Variants in PATJ observed in about 807,000 individuals in gnomAD.
PATJ encodes the protein PATJ crumbs cell polarity complex component, also known as inaD-like protein.
PATJ carries 190 observed loss-of-function variants against 224.9 expected under a neutral mutation model. The ratio of observed to expected loss-of-function variants is 0.84; its 90% CI spans 0.75 to 0.95. The LOEUF (loss-of-function observed/expected upper bound fraction) is 0.95, where lower values mean the gene tolerates loss of function less well. Ranked by LOEUF, PATJ falls within the 40% of genes least tolerant of loss-of-function variation. PATJ has a pLI of 0.00. For missense variants in PATJ, 2,121 were observed against 2,270.3 expected, an observed-to-expected ratio of 0.93 and a Z score of 1.34; for synonymous variants, 769 against 820.3, an observed-to-expected ratio of 0.94 and a Z score of 1.07.
At chr1:61,752,157 A>G (rs1214915140) in intron 1 of PATJ, among the ~76,000 whole-genome samples, 2 of 147,038 alleles carry the variant, frequency 1.4e-5, no homozygotes, top group African/African-American at 5.0e-5. Flanking sequence ...AAAAAAAAGA[A>G]GCCTACCATA....
At chr1:61,778,231 G>C (rs1354363065) in intron 7 of PATJ, among the ~76,000 whole-genome samples, 1 of 152,076 alleles carries the variant, frequency 6.6e-6, no homozygotes, top group Non-Finnish European at 1.5e-5. Context: ...TCCCAGGCTG[G>C]TCTCAAACTC....
chr1:61,932,851 A>T (rs774031719), intron 27 of PATJ, among the ~76,000 whole-genome samples: 4 of 152,188 alleles, frequency 2.6e-5, no homozygotes, highest in Non-Finnish European at 5.9e-5. Flanking sequence ...GTGAGCCGAG[A>T]TTGCGCCACT....
At chr1:61,989,002 A>G (rs543305378) in intron 27 of PATJ, among the ~76,000 whole-genome samples, 139 of 152,326 alleles carry the variant, frequency 9.1e-4, no homozygotes, top group African/African-American at 3.0e-3. Flanking sequence ...CAGCCATGGT[A>G]GTAGGCATGA....
chr1:62,144,777 A>ATATATATATATATATATATATATATATAT (rs1553280094), intron 41 of PATJ, among the ~76,000 whole-genome samples: 7 of 119,078 alleles, frequency 5.9e-5, no homozygotes, highest in African/African-American at 1.7e-4. Context: ...AAAAAAAAAA[A>ATATATATATATATATATATATATATATAT]ATATATATAT....
intron 14 of PATJ, among the ~76,000 whole-genome samples, chr1:61,812,360 GA>G (rs1654960395): frequency 2.2e-4 from 1 of 4,538 alleles, no homozygotes; most frequent in Non-Finnish European, 4.6e-4. Context: ...GGAATAGAGA[GA>G]GAGAGAGAGA....
At chr1:62,107,942 A>C (rs1444869912) in intron 33 of PATJ, among the ~76,000 whole-genome samples, 1 of 152,162 alleles carries the variant, frequency 6.6e-6, no homozygotes, top group Non-Finnish European at 1.5e-5. Flanking sequence ...TAAGTCCATG[A>C]ATGCTGTTTC....
intron 14 of PATJ, among the ~76,000 whole-genome samples, chr1:61,814,417 A>G (rs955022397): frequency 7.9e-5 from 12 of 152,066 alleles, no homozygotes; most frequent in Non-Finnish European, 1.8e-4. Flanking sequence ...TGCTGGGATT[A>G]CAGGCGTGAG....
intron 13 of PATJ, among the ~76,000 whole-genome samples, chr1:61,807,677 AATGCGTGTACTCCAAT>A: frequency 6.6e-6 from 1 of 152,354 alleles, no homozygotes; most frequent in South Asian, 2.1e-4. Context: ...AGAATGAATG[AATGCGTGTACTCCAAT>A]ATTTCTTATT....
At position 61,868,169 on chromosome 1, in the gene PATJ, C is replaced by T. The variant is rs1167646081; in HGVS notation, c.2835+3536C>T. On this transcript the variant is annotated intron_variant, in intron 20 of 43. Transcript: ENST00000642238. ...AAAAGACACACAACACACAATTTAC[C>T]ATTTTAATCATTTTTAGGTATATAG... Among the ~76,000 whole-genome samples, 3 of 152,114 alleles carry T rather than the reference C, an allele frequency of 2.0e-5. No homozygotes were observed. In the East Asian group the frequency reaches 5.8e-4, roughly 29 times the overall value.
At chr1:61,920,800 A>G (rs924952077) in intron 26 of PATJ, among the ~76,000 whole-genome samples, 2 of 136,208 alleles carry the variant, frequency 1.5e-5, no homozygotes, top group East Asian at 2.2e-4. Flanking sequence ...TCCACCTCCC[A>G]TGTTCAAGTG....
rs188017307 is a variant in PATJ at position 61,946,283 on chromosome 1, T to C, written c.3670+18454T>C. On this transcript the variant is annotated intron_variant, in intron 27 of 43. Coordinates refer to ENST00000642238, the MANE Select transcript of PATJ (RefSeq NM_001350145.3). ...AAAAATCAGTGAATCCAGGAGCTGA[T>C]TTTTTGAAAAGATCAACAAAATTGA... 3.3e-5 allele frequency among the ~76,000 whole-genome samples: 5 copies of C among 152,202 alleles called. No homozygotes were observed. In the East Asian group the frequency reaches 9.6e-4, roughly 29 times the overall value.
intron 7 of PATJ, 30 bp downstream of exon 7, chr1:61,775,364 GT>G: frequency 6.3e-7 from 1 of 1,588,960 alleles, no homozygotes; most frequent in Non-Finnish European, 8.5e-7. Context: ...TATCATTTTG[GT>G]TTTATAAAAT....
intron 40 of PATJ, 147 bp from the exon 41 acceptor site, chr1:62,128,694 G>A: frequency 1.8e-6 from 1 of 567,944 alleles, no homozygotes; most frequent in Non-Finnish European, 3.2e-6. Flanking sequence ...AATTCCTCAT[G>A]CTTCTTGAAC....
chr1:61,779,504 T>C (rs1647127096), intron 7 of PATJ, among the ~76,000 whole-genome samples: 1 of 152,200 alleles, frequency 6.6e-6, no homozygotes, highest in South Asian at 2.1e-4. Flanking sequence ...TATATGCTAA[T>C]CACATTTACA....
At chr1:62,150,878 T>C (rs769804623) in intron 42 of PATJ, among the ~76,000 whole-genome samples, 21 of 152,030 alleles carry the variant, frequency 1.4e-4, no homozygotes, top group Middle Eastern at 3.4e-3. Flanking sequence ...CGTGGTGGCT[T>C]ACGCCTGTAA....
chr1:62,090,759 C>A (rs1352839490), intron 33 of PATJ, among the ~76,000 whole-genome samples: 1 of 152,188 alleles, frequency 6.6e-6, no homozygotes, highest in East Asian at 1.9e-4. Context: ...TCATCCTACT[C>A]TGTCAAATGA....
At chr1:62,014,471 A>G (rs775662192) in intron 28 of PATJ, among the ~76,000 whole-genome samples, 1 of 151,844 alleles carries the variant, frequency 6.6e-6, no homozygotes, top group African/African-American at 2.4e-5. Flanking sequence ...CTATTTTAAA[A>G]CTTGGTTTTA....
At chr1:61,808,326 G>A in intron 13 of PATJ, 148 bp from the exon 14 acceptor site, 1 of 641,374 alleles carries the variant, frequency 1.6e-6, no homozygotes, top group Non-Finnish European at 2.8e-6. Flanking sequence ...CACATTATGT[G>A]TTATAGATTT....
intron 17 of PATJ, among the ~76,000 whole-genome samples, chr1:61,838,697 A>C (rs1211967244): frequency 6.6e-6 from 1 of 152,034 alleles, no homozygotes; most frequent in African/African-American, 2.4e-5. Context: ...CTAAGCAACA[A>C]AACTCTTCAG....
Sources: allele counts gnomAD v4.1 joint callset (sites outside exome capture counted in the v4.1 genomes callset), GRCh38; gene constraint gnomAD v4.1.1; transcripts MANE v1.5; gene names NCBI Gene and HGNC (gene_info 2026-07-23, HGNC 2026-07-21).